Variants in ERC2 observed in about 807,000 individuals in gnomAD.
ERC2 encodes ELKS/RAB6-interacting/CAST family member 2, also known as ERC protein 2.
Under a neutral mutation model 114.8 loss-of-function variants are expected in ERC2, and 42 were observed. The observed-to-expected ratio is 0.37, with a 90% CI of 0.29 to 0.47. ERC2 has a LOEUF of 0.47. ERC2 is among the 20% of genes least tolerant of loss of function. The pLI is 0.99. For synonymous variants in ERC2, 454 were observed against 425.5 expected (o/e 1.07, Z -0.82); for missense variants, 939 against 1,150.7 (o/e 0.82, Z 2.66).
At chr3:56,194,443 G>C (rs1254104484) in intron 3 of ERC2, among the ~76,000 whole-genome samples, 1 of 152,154 alleles carries the variant, frequency 6.6e-6, no homozygotes, top group East Asian at 1.9e-4. Context: ...GGGAGACAGA[G>C]TGAGACCGTC....
At chr3:56,033,756 A>T (rs2074620915) in intron 7 of ERC2, among the ~76,000 whole-genome samples, 1 of 152,138 alleles carries the variant, frequency 6.6e-6, no homozygotes, top group Admixed American at 6.6e-5. Context: ...CAAGATTTGA[A>T]TCATGTAATC....
rs73831826 is a variant in ERC2, at chr3:55,977,783, T to C, written c.2267+8194A>G. ...CAAGTCTATTCAAAGTTATTAATTA[T>C]AGCAGACTGCATGAGAGGAAAAGAC... On this transcript the variant is annotated intron_variant, in intron 12 of 17. Coordinates refer to ENST00000288221, the MANE Select transcript of ERC2 (RefSeq NM_015576.3). 6.0e-3 allele frequency among the ~76,000 whole-genome samples: 920 copies of C among 152,312 alleles called. 5 individuals carry two copies. The highest frequency in any genetic ancestry group is 0.027 in the Middle Eastern group (8 of 294).
chr3:55,822,459 C>A (rs565224631), intron 14 of ERC2, among the ~76,000 whole-genome samples: 1 of 152,224 alleles, frequency 6.6e-6, no homozygotes, highest in African/African-American at 2.4e-5. Flanking sequence ...AAAGTAGGGA[C>A]TCGGTGACCC....
chr3:55,843,449 G>T (rs1314543124), intron 14 of ERC2, among the ~76,000 whole-genome samples: 3 of 152,166 alleles, frequency 2.0e-5, no homozygotes, highest in Non-Finnish European at 4.4e-5. Context: ...GAATGATATT[G>T]ATAGAAAGGA....
intron 7 of ERC2, among the ~76,000 whole-genome samples, chr3:56,064,380 C>T (rs565865035): frequency 3.3e-5 from 5 of 152,248 alleles, no homozygotes; most frequent in East Asian, 3.9e-4. Context: ...GTGTGTATGC[C>T]GCCCTTCATA....
At chr3:55,893,854 A>C (rs915443885) in intron 13 of ERC2, among the ~76,000 whole-genome samples, 3 of 152,090 alleles carry the variant, frequency 2.0e-5, no homozygotes, top group African/African-American at 7.2e-5. Flanking sequence ...GGGCTTTCAC[A>C]TGTGTGTGCA....
intron 3 of ERC2, among the ~76,000 whole-genome samples, chr3:56,286,052 C>T (rs533413102): frequency 4.6e-5 from 7 of 152,220 alleles, no homozygotes; most frequent in African/African-American, 1.4e-4. Flanking sequence ...TGCAGACTTT[C>T]GTGATAACTG....
intron 3 of ERC2, among the ~76,000 whole-genome samples, chr3:56,197,469 G>A (rs1303781793): frequency 1.5e-4 from 23 of 152,174 alleles, no homozygotes; most frequent in Non-Finnish European, 3.1e-4. Context: ...CCATTAGCCA[G>A]AATTTAGTCA....
chr3:55,601,990 A>C (rs1303007516), intron 17 of ERC2, among the ~76,000 whole-genome samples: 1 of 152,344 alleles, frequency 6.6e-6, no homozygotes, highest in East Asian at 1.9e-4. Context: ...CTGCACAGTG[A>C]AACAGTAAGT....
intron 3 of ERC2, among the ~76,000 whole-genome samples, chr3:56,273,446 T>C (rs1487466795): frequency 6.6e-6 from 1 of 151,874 alleles, no homozygotes; most frequent in Non-Finnish European, 1.5e-5. Flanking sequence ...GGTTTTCCCA[T>C]GTTGCCCAGG....
intron 6 of ERC2, among the ~76,000 whole-genome samples, chr3:56,097,914 T>A (rs1177067142): frequency 3.9e-5 from 6 of 152,178 alleles, no homozygotes; most frequent in Non-Finnish European, 8.8e-5. Context: ...ACAGAGAGTA[T>A]TTTGCATCAC....
chr3:56,049,818 A>ATGTGTGTGTGTG (rs3052672), intron 7 of ERC2, among the ~76,000 whole-genome samples: 118 of 145,310 alleles, frequency 8.1e-4, no homozygotes, highest in African/African-American at 2.9e-3. Flanking sequence ...CCCATCATAT[A>ATGTGTGTGTGTG]TGTGTGTGTG....
chr3:56,138,895 G>T (rs906138442), intron 6 of ERC2, among the ~76,000 whole-genome samples: 3 of 152,170 alleles, frequency 2.0e-5, no homozygotes, highest in Non-Finnish European at 4.4e-5. Flanking sequence ...TTCTAAGCAT[G>T]AATAAGAGAT....
chr3:56,376,651 T>G (rs1416375837), intron 2 of ERC2, among the ~76,000 whole-genome samples: 1 of 151,752 alleles, frequency 6.6e-6, no homozygotes, highest in Admixed American at 6.6e-5. Context: ...TAATCCCAGC[T>G]ACTCAGGAGG....
intron 14 of ERC2, among the ~76,000 whole-genome samples, chr3:55,837,943 T>C (rs747669117): frequency 2.0e-5 from 3 of 150,242 alleles, no homozygotes; most frequent in Non-Finnish European, 4.4e-5. Context: ...ACAAAGTCAA[T>C]TTCAGAACAA....
At chr3:55,799,397 A>ATATATATATGCCT (rs2070798522) in intron 14 of ERC2, among the ~76,000 whole-genome samples, 1 of 94,830 alleles carries the variant, frequency 1.1e-5, no homozygotes, top group Non-Finnish European at 2.1e-5. Flanking sequence ...ATATATATGC[A>ATATATATATGCCT]TATATATATA....
intron 2 of ERC2, among the ~76,000 whole-genome samples, chr3:56,297,388 G>C (rs73086434): frequency 0.035 from 5,278 of 152,218 alleles, 194 homozygotes; most frequent in African/African-American, 0.085. Flanking sequence ...GAAACAGAAA[G>C]TCTTGAAAGT....
intron 17 of ERC2, among the ~76,000 whole-genome samples, chr3:55,680,980 C>T (rs892118303): frequency 1.3e-5 from 2 of 152,096 alleles, no homozygotes; most frequent in African/African-American, 4.8e-5. Context: ...AGAGTTTTAA[C>T]CTAAGAGTGA....
At chr3:55,597,653 T>C (rs2058210047) in intron 17 of ERC2, among the ~76,000 whole-genome samples, 2 of 152,174 alleles carry the variant, frequency 1.3e-5, no homozygotes, top group Non-Finnish European at 2.9e-5. Context: ...TCATCCTATT[T>C]GTTACTAGTT....
Sources: gnomAD v4.1 joint callset for allele counts (sites outside exome capture counted in the v4.1 genomes callset) on GRCh38, gnomAD v4.1.1 for gene constraint, MANE v1.5 for transcripts, NCBI Gene and HGNC (gene_info 2026-07-23, HGNC 2026-07-21) for gene names.